The following NHSL1 variants were observed in gnomAD, a reference collection of about 807,000 sequenced individuals.
NHSL1 encodes NHS-like protein 1.
In NHSL1, 48 loss-of-function variants were observed where a neutral mutation model predicts 95.0. The observed-to-expected ratio is 0.51, with a 90% CI of 0.40 to 0.64. The LOEUF is 0.64. NHSL1 is among the 30% of genes least tolerant of loss of function. The pLI is 0.00. For missense variants in NHSL1, 1,971 were observed against 2,077.7 expected (o/e 0.95, Z 1.00); for synonymous variants, 783 against 833.9 (o/e 0.94, Z 1.05).
At chr6:138,545,362 G>A (rs80054731) in intron 1 of NHSL1, among the ~76,000 whole-genome samples, 21,065 of 151,882 alleles carry the variant, frequency 0.14, 2,013 homozygotes, top group African/African-American at 0.28. Flanking sequence ...AGCTACTTTT[G>A]TCTATAACAA....
At chr6:138,629,104 T>C (rs1784782628) in intron 1 of NHSL1, among the ~76,000 whole-genome samples, 2 of 152,188 alleles carry the variant, frequency 1.3e-5, no homozygotes, top group South Asian at 4.1e-4. Flanking sequence ...AAAAAAGTGC[T>C]GAAATTCAAA....
intron 1 of NHSL1, among the ~76,000 whole-genome samples, chr6:138,657,445 C>G (rs927427773): frequency 6.6e-6 from 1 of 152,168 alleles, no homozygotes; most frequent in Non-Finnish European, 1.5e-5. Flanking sequence ...AACATTTCTT[C>G]AATTTCTGTC....
intron 1 of NHSL1, among the ~76,000 whole-genome samples, chr6:138,497,560 T>C (rs1780428876): frequency 6.6e-6 from 1 of 152,176 alleles, no homozygotes; most frequent in Admixed American, 6.5e-5. Context: ...ATTAAATCCA[T>C]TTGAGCACAT....
chr6:138,519,712 C>T (rs1026763221), intron 1 of NHSL1, among the ~76,000 whole-genome samples: 1 of 152,214 alleles, frequency 6.6e-6, no homozygotes, highest in Non-Finnish European at 1.5e-5. Context: ...CATCTTCACA[C>T]ATACTTAGGC....
rs71009593 is a variant in NHSL1 at position 138,626,893 on chromosome 6, CAAAAAAAAAAAAAAAA to C, written c.96+65567_96+65582del. 2.8e-3 allele frequency among the ~76,000 whole-genome samples: 22 copies of C among 7,772 alleles called. 2 individuals are homozygous for C. Among genetic ancestry groups the C allele is most frequent in the Middle Eastern group, 0.17 (1 of 6 alleles). 5.1% of individuals were successfully genotyped at this position (7,772 alleles called of 152,430 possible). ...TGGGCGACAGAGCGAGACTCCGTCTCAAAAAAAAAAAAAAAAAAAAAAAAAAAAAAAAATTGTAACT... is the reference window on the plus strand; with the variant it reads ...TGGGCGACAGAGCGAGACTCCGTCTCAAAAAAAAAAAAAAAAATTGTAACT... On this transcript the variant is annotated intron_variant, in intron 1 of 3. Transcript: ENST00000491526.
At chr6:138,690,323 G>T (rs1301642983) in intron 1 of NHSL1, among the ~76,000 whole-genome samples, 1 of 152,156 alleles carries the variant, frequency 6.6e-6, no homozygotes, top group African/African-American at 2.4e-5. Context: ...AAAAAGCAAA[G>T]TGTGTGAAGG....
chr6:138,632,530 C>T (rs539995240), intron 1 of NHSL1, among the ~76,000 whole-genome samples: 2 of 152,178 alleles, frequency 1.3e-5, no homozygotes, highest in Non-Finnish European at 2.9e-5. Context: ...GAAAGAGGAA[C>T]CTTTTTTGGG....
At chr6:138,683,604 T>C (rs1413436115) in intron 1 of NHSL1, among the ~76,000 whole-genome samples, 1 of 152,126 alleles carries the variant, frequency 6.6e-6, no homozygotes, top group African/African-American at 2.4e-5. Flanking sequence ...ATTTGACAGG[T>C]TTTCACTGTA....
At position 138,541,139 on chromosome 6, in the gene NHSL1, G is replaced by A. The variant is rs189086627; in HGVS notation, c.16+4484C>T. ...TCCCAACACTTTGGGAGGCTGAGGC[G>A]GCGAATTACTTGAGGTCAGGAGGTC... On this transcript the variant is annotated intron_variant, in intron 1 of 4. Transcript: ENST00000342260. Among the ~76,000 whole-genome samples the A allele has an allele frequency of 5.3e-5, 8 of 152,248 alleles. No individual in the cohort carries two copies. In the East Asian group the frequency reaches 5.8e-4, roughly 11 times the overall value.
At chr6:138,516,133 A>C (rs1384496615) in intron 1 of NHSL1, among the ~76,000 whole-genome samples, 1 of 152,204 alleles carries the variant, frequency 6.6e-6, no homozygotes, top group East Asian at 1.9e-4. Flanking sequence ...TCTGCTGCTA[A>C]GTCTGACTGT....
At chr6:138,532,221 A>G in intron 1 of NHSL1, among the ~76,000 whole-genome samples, 1 of 152,208 alleles carries the variant, frequency 6.6e-6, no homozygotes, top group East Asian at 1.9e-4. Flanking sequence ...GGAAGAGGCT[A>G]CTGAGAATTG....
At chr6:138,637,359 C>G (rs1280211403) in intron 1 of NHSL1, among the ~76,000 whole-genome samples, 1 of 152,110 alleles carries the variant, frequency 6.6e-6, no homozygotes, top group African/African-American at 2.4e-5. Flanking sequence ...AGCAATACCC[C>G]ACAAGCATAG....
intron 1 of NHSL1, among the ~76,000 whole-genome samples, chr6:138,551,719 C>T (rs1326030321): frequency 2.0e-5 from 3 of 152,182 alleles, no homozygotes; most frequent in Non-Finnish European, 4.4e-5. Flanking sequence ...TTCACTGTCT[C>T]CCTGGCTCAC....
chr6:138,608,158 G>T (rs983174965), intron 1 of NHSL1, among the ~76,000 whole-genome samples: 1 of 152,204 alleles, frequency 6.6e-6, no homozygotes, highest in African/African-American at 2.4e-5. Flanking sequence ...CTCGCGAGAG[G>T]ATAAATCTTA....
intron 1 of NHSL1, among the ~76,000 whole-genome samples, chr6:138,526,541 T>C (rs1229144685): frequency 6.6e-6 from 1 of 152,174 alleles, no homozygotes; most frequent in Non-Finnish European, 1.5e-5. Flanking sequence ...CCTTTTTATA[T>C]TGTACTTGCC....
At chr6:138,537,423 TGAAAACTGA>T (rs1782401386) in intron 1 of NHSL1, among the ~76,000 whole-genome samples, 1 of 152,246 alleles carries the variant, frequency 6.6e-6, no homozygotes, top group African/African-American at 2.4e-5. Context: ...TATGCTGTGA[TGAAAACTGA>T]GAAATACATC....
chr6:138,533,957 T>C (rs1195221530), intron 1 of NHSL1, among the ~76,000 whole-genome samples: 2 of 152,216 alleles, frequency 1.3e-5, no homozygotes, highest in African/African-American at 4.8e-5. Flanking sequence ...AGAAACACAT[T>C]AACTTTTCTC....
intron 1 of NHSL1, among the ~76,000 whole-genome samples, chr6:138,663,651 T>C (rs1408192139): frequency 6.6e-6 from 1 of 150,670 alleles, no homozygotes; most frequent in Admixed American, 6.6e-5. Context: ...GGGTGGATCA[T>C]CTGAGATCAG....
intron 1 of NHSL1, among the ~76,000 whole-genome samples, chr6:138,613,613 C>T (rs899306309): frequency 2.6e-5 from 4 of 152,214 alleles, no homozygotes; most frequent in African/African-American, 4.8e-5. Context: ...TCCAGTCCCA[C>T]GTCTTGCGGA....
Sources: gnomAD v4.1 joint callset for allele counts (sites outside exome capture counted in the v4.1 genomes callset) on GRCh38, gnomAD v4.1.1 for gene constraint, MANE v1.5 for transcripts, NCBI Gene and HGNC (gene_info 2026-07-23, HGNC 2026-07-21) for gene names.